SH3BP5: variants seen among roughly 807,000 people sequenced by gnomAD.
SH3BP5 encodes the protein SH3 domain binding protein 5, also known as SH3 domain-binding protein 5.
A neutral mutation model predicts 43.3 loss-of-function variants in SH3BP5; 22 were observed. That is an observed-to-expected ratio of 0.51 (90% confidence interval 0.36 to 0.73). SH3BP5 has a LOEUF of 0.73. SH3BP5 is among the 30% of genes least tolerant of loss of function. The pLI is 0.00. For synonymous variants in SH3BP5, 255 were observed against 225.8 expected (o/e 1.13, Z -1.16); for missense variants, 529 against 586.9 (o/e 0.90, Z 1.02).
chr3:15,332,229 C>T, intron 1 of SH3BP5, 42 bp downstream of exon 1: 1 of 1,549,750 alleles, frequency 6.5e-7, no homozygotes, highest in Non-Finnish European at 8.7e-7. Flanking sequence ...TCCGTAGCAG[C>T]CCTCGCGAAG....
chr3:15,297,234 C>G (rs60179957), intron 3 of SH3BP5, among the ~76,000 whole-genome samples: 1 of 152,130 alleles, frequency 6.6e-6, no homozygotes, highest in Non-Finnish European at 1.5e-5. Context: ...CCTCCCTCAT[C>G]ATTTTCGATC....
chr3:15,311,989 AGT>A (rs2125122084), intron 2 of SH3BP5, among the ~76,000 whole-genome samples: 1 of 151,956 alleles, frequency 6.6e-6, no homozygotes, highest in East Asian at 1.9e-4. Context: ...CTTGTAGTCC[AGT>A]GTGCCAGTCA....
At chr3:15,298,607 T>C (rs1697645148) in intron 3 of SH3BP5, among the ~76,000 whole-genome samples, 1 of 152,216 alleles carries the variant, frequency 6.6e-6, no homozygotes, top group Non-Finnish European at 1.5e-5. Context: ...TAAAACGTGG[T>C]ATATACATTC....
At chr3:15,286,623 G>A (rs1050182122) in intron 3 of SH3BP5, among the ~76,000 whole-genome samples, 1 of 152,126 alleles carries the variant, frequency 6.6e-6, no homozygotes, top group Non-Finnish European at 1.5e-5. Context: ...GCACAATCAC[G>A]GCTCAGTGCA....
chr3:15,264,428 A>G (rs1264235686), intron 4 of SH3BP5: 1 of 152,220 alleles, frequency 6.6e-6, no homozygotes, highest in Non-Finnish European at 1.5e-5. Context: ...GAATTCAAGA[A>G]TTGTAACATC....
chr3:15,277,457 C>G (rs999428548), intron 3 of SH3BP5, among the ~76,000 whole-genome samples: 2 of 152,118 alleles, frequency 1.3e-5, no homozygotes, highest in Admixed American at 6.6e-5. Context: ...CAACGAGGAG[C>G]AGAGGAGAAG....
upstream of SH3BP5, among the ~76,000 whole-genome samples, chr3:15,334,708 T>C (rs1296156965): frequency 1.3e-5 from 2 of 152,112 alleles, no homozygotes; most frequent in Non-Finnish European, 2.9e-5. Context: ...CTCAATACTT[T>C]GGAAAGCCAA....
At chr3:15,315,386 C>A (rs1575342657) in intron 2 of SH3BP5, among the ~76,000 whole-genome samples, 1 of 152,214 alleles carries the variant, frequency 6.6e-6, no homozygotes, top group East Asian at 1.9e-4. Context: ...CAGCTCCAGA[C>A]CCTCTGGGCA....
At chr3:15,316,560 A>G (rs1279780205) in intron 2 of SH3BP5, among the ~76,000 whole-genome samples, 1 of 152,178 alleles carries the variant, frequency 6.6e-6, no homozygotes, top group Non-Finnish European at 1.5e-5. Context: ...TTGATGTTAC[A>G]TAGGCAACAG....
At chr3:15,333,012 G>A, upstream of SH3BP5, 1 of 812,266 alleles carries the variant, frequency 1.2e-6, no homozygotes, top group Non-Finnish European at 1.5e-6. Flanking sequence ...GAGGTTCCGT[G>A]CACTGATGCA....
At chr3:15,259,249 C>G in intron 6 of SH3BP5, 199 bp from the exon 7 acceptor site, 1 of 605,754 alleles carries the variant, frequency 1.7e-6, no homozygotes. Flanking sequence ...CAGATCCCAT[C>G]CAGGTGACAA....
chr3:15,259,899 C>A (rs1352311374), intron 5 of SH3BP5, 96 bp from the exon 6 acceptor site: 5 of 1,111,422 alleles, frequency 4.5e-6, no homozygotes, highest in Non-Finnish European at 6.9e-6. Context: ...TACCACTGGC[C>A]AGGTCGTCCT....
intron 4 of SH3BP5, 78 bp downstream of exon 4, chr3:15,269,635 G>T: frequency 1.4e-6 from 2 of 1,428,310 alleles, no homozygotes. Context: ...TGGGAGTCGA[G>T]TCTGTTACCT....
rs772229130 is a variant in SH3BP5 at position 15,256,227 on chromosome 3, G to A, written c.1227C>T (p.Gly409=). 11 of 1,613,928 alleles carry A rather than the reference G, an allele frequency of 6.8e-6. No homozygotes were observed. In the East Asian group the frequency reaches 1.3e-4, roughly 20 times the overall value. The change falls in exon 9 of 9, where the codon GGC becomes GGT. Residue 409 remains glycine, a synonymous_variant. Coordinates refer to ENST00000383791, the MANE Select transcript of SH3BP5 (RefSeq NM_004844.5). ...TTTGGCTCTTACTGCTGCCACCACT[G>A]CCACTGCTACTGCTGAGGCCCCGGT... ...NNNRGLSSSS[G]SGGSSKSQSS...
intron 3 of SH3BP5, among the ~76,000 whole-genome samples, chr3:15,293,104 A>T (rs1400786615): frequency 6.6e-6 from 1 of 152,254 alleles, no homozygotes; most frequent in Non-Finnish European, 1.5e-5. Context: ...CAAGACTGTC[A>T]GGCAGGATGT....
At chr3:15,327,175 C>T (rs1234667261) in intron 2 of SH3BP5, among the ~76,000 whole-genome samples, 6 of 151,822 alleles carry the variant, frequency 4.0e-5, no homozygotes, top group East Asian at 1.9e-4. Context: ...ACACGAGATC[C>T]GGAGTTCAAG....
chr3:15,256,821 A>C (rs747502639), intron 8 of SH3BP5, 32 bp downstream of exon 8: 2 of 1,580,622 alleles, frequency 1.3e-6, no homozygotes, highest in Non-Finnish European at 8.6e-7. Flanking sequence ...GCAGTGTGGC[A>C]TCTGGGACGG....
At position 15,257,106 on chromosome 3, in the gene SH3BP5, C is replaced by A; in HGVS notation, c.897G>T (p.Ser299=). The A allele has an allele frequency of 2.5e-6, 4 of 1,613,622 alleles. No homozygotes were observed. Among genetic ancestry groups the A allele is most frequent in the Non-Finnish European group, 3.4e-6 (4 of 1,179,622 alleles). ...TACAGCTGTCATCTTCAAAGGCCTC[C>A]GAGGCCACTAAGTTGAGAGAGAACA... ...KPEPDAISVA[S]EAFEDDSCSN... is the part of the protein sequence containing the mutation. Residue 299 remains serine, a synonymous_variant, in exon 8 of 9, where the codon TCG becomes TCT. Coordinates refer to ENST00000383791, the MANE Select transcript of SH3BP5 (RefSeq NM_004844.5).
In SH3BP5 at chr3:15,330,516, C is replaced by G; in HGVS notation, c.189G>C (p.Glu63Asp). 6.2e-7 allele frequency: 1 copy of G among 1,613,400 alleles called. No homozygotes were observed. Among genetic ancestry groups the G allele is most frequent in the Non-Finnish European group, 8.5e-7 (1 of 1,179,540 alleles). ...CAGCTCTCTGTACCTCAAGTTCAGT[C>G]TCCCGTCTGTTGATATCATCCGTGG... ...NQSTDDINRR[E>D]TELEDARQKF... The change falls in exon 2 of 9, where the codon GAG becomes GAC. Residue 63 changes from glutamate to aspartate, a missense_variant. Glu to Asp is a conservative substitution (Grantham distance 45). Transcript: ENST00000383791.
Sources: allele counts gnomAD v4.1 joint callset (sites outside exome capture counted in the v4.1 genomes callset), GRCh38; gene constraint gnomAD v4.1.1; transcripts MANE v1.5; gene names NCBI Gene and HGNC (gene_info 2026-07-23, HGNC 2026-07-21).